Variants in FAAH2 observed in about 807,000 individuals in gnomAD.
FAAH2 encodes fatty-acid amide hydrolase 2.
FAAH2 carries 60 observed loss-of-function variants against 36.9 expected under a neutral mutation model. That is an observed-to-expected ratio of 1.63 (90% CI 1.32 to 2.02). The LOEUF is 2.02. FAAH2 is among the 30% of genes most tolerant of loss of function. The pLI, the probability that FAAH2 is intolerant of heterozygous loss-of-function variation, is 0.00. For missense variants in FAAH2, 689 were observed against 397.5 expected (o/e 1.73, Z -6.23); for synonymous variants, 214 against 143.8 (o/e 1.49, Z -3.49).
chrX:57,217,026 A>T, the FAAH2 span, among the ~76,000 whole-genome samples: 1 of 111,204 alleles, frequency 9.0e-6, no homozygotes, highest in Admixed American at 9.6e-5. Flanking sequence ...CCTGATCATT[A>T]GTGATGTTGA....
the FAAH2 span, among the ~76,000 whole-genome samples, chrX:57,234,696 G>T: frequency 6.3e-5 from 7 of 111,186 alleles, no homozygotes; most frequent in African/African-American, 2.3e-4. Context: ...TGCAGCCAGT[G>T]ATCTGACAGG....
At chrX:57,222,853 G>T in the FAAH2 span, among the ~76,000 whole-genome samples, 1 of 111,087 alleles carries the variant, frequency 9.0e-6, no homozygotes, top group South Asian at 3.8e-4. Flanking sequence ...CCTTTACTTA[G>T]TTTGTAGATG....
intron 3 of FAAH2, among the ~76,000 whole-genome samples, chrX:57,312,280 C>A (rs2052715539): frequency 8.9e-6 from 1 of 112,063 alleles, no homozygotes; most frequent in African/African-American, 3.2e-5. Flanking sequence ...TACTCTTATG[C>A]TTCATCTACT....
intron 7 of FAAH2, among the ~76,000 whole-genome samples, chrX:57,407,798 C>G (rs764774327): frequency 6.5e-4 from 73 of 111,979 alleles, no homozygotes; most frequent in Non-Finnish European, 1.2e-3. Flanking sequence ...ATGTTTAAAT[C>G]TTCGATCCAT....
chrX:57,192,150 T>C, the FAAH2 span, among the ~76,000 whole-genome samples: 1 of 111,712 alleles, frequency 9.0e-6, no homozygotes, highest in Admixed American at 9.5e-5. Context: ...TTTAAATAAA[T>C]GTTTTGTAGT....
intron 6 of FAAH2, among the ~76,000 whole-genome samples, chrX:57,379,152 C>T (rs147652327): frequency 3.6e-5 from 4 of 111,657 alleles, no homozygotes; most frequent in African/African-American, 6.5e-5. Context: ...TAGGCATCAA[C>T]GCTGCTTGGA....
chrX:57,269,283 T>G, the FAAH2 span, among the ~76,000 whole-genome samples: 1 of 111,412 alleles, frequency 9.0e-6, no homozygotes, highest in African/African-American at 3.3e-5. Flanking sequence ...GTGGGATATT[T>G]TAACACCCCA....
intron 8 of FAAH2, among the ~76,000 whole-genome samples, chrX:57,444,905 A>C (rs1295745308): frequency 2.7e-5 from 3 of 111,831 alleles, no homozygotes; most frequent in South Asian, 3.7e-4. Flanking sequence ...CTTTAAGTTC[A>C]TTAGGCTTCC....
rs144419744 is a variant in FAAH2, at chrX:57,448,589, G to A, written c.1294G>A (p.Glu432Lys). 8.3e-7 allele frequency: 1 copy of A among 1,209,739 alleles called. No individual in the cohort carries two copies. The highest frequency in any genetic ancestry group is 1.1e-6 in the Non-Finnish European group (1 of 895,169). The change falls in exon 10 of 11, where the codon GAA (glutamate) becomes AAA (lysine). Residue 432 changes from glutamate to lysine, a missense_variant. Coordinates refer to ENST00000374900, the MANE Select transcript of FAAH2 (RefSeq NM_174912.4). ...NEKYQKFKAV[E>K]ESLRKELVDM... ...GAAATACCAAAAGTTTAAGGCAGTG[G>A]AAGAAAGCCTGCGTAAAGAGCTGGT...
intron 3 of FAAH2, among the ~76,000 whole-genome samples, chrX:57,315,755 T>C (rs1392255013): frequency 9.0e-6 from 1 of 111,359 alleles, no homozygotes; most frequent in Admixed American, 9.6e-5. Context: ...CGAAGGAACA[T>C]ACCTCAAAAT....
chrX:57,325,042 A>T (rs2053168487), intron 3 of FAAH2, among the ~76,000 whole-genome samples: 1 of 112,184 alleles, frequency 8.9e-6, no homozygotes, highest in Admixed American at 9.5e-5. Context: ...GAGAGTTTTT[A>T]GCATGAAGGT....
intron 4 of FAAH2, among the ~76,000 whole-genome samples, chrX:57,333,365 C>T (rs1318084945): frequency 9.0e-6 from 1 of 111,469 alleles, no homozygotes. Context: ...TGGCTTTCAA[C>T]AAAACAATTA....
At chrX:57,232,564 C>A in the FAAH2 span, among the ~76,000 whole-genome samples, 1 of 112,185 alleles carries the variant, frequency 8.9e-6, no homozygotes, top group Admixed American at 9.4e-5. Context: ...AGTTCTAAAG[C>A]CATCACTGTT....
chrX:57,302,581 C>A (rs1335176478), intron 2 of FAAH2, among the ~76,000 whole-genome samples: 1 of 110,876 alleles, frequency 9.0e-6, no homozygotes, highest in Non-Finnish European at 1.9e-5. Context: ...TGATCCAAGA[C>A]TGGAGAGGTG....
chrX:57,323,447 C>A (rs1327152124), intron 3 of FAAH2, among the ~76,000 whole-genome samples: 3 of 111,731 alleles, frequency 2.7e-5, no homozygotes, highest in African/African-American at 6.5e-5. Context: ...TACAGTCCCA[C>A]CAACATTGTA....
In FAAH2 at chrX:57,404,885, G is replaced by A. The variant is rs747964897; in HGVS notation, c.996+23856G>A. 2.9e-4 allele frequency among the ~76,000 whole-genome samples: 33 copies of A among 112,101 alleles called. No homozygotes were observed. The South Asian group carries it at 0.011, about 39-fold the overall frequency. On this transcript the variant is annotated intron_variant, in intron 7 of 10. Transcript: ENST00000374900. ...TTCTGGCTGCACCATGATCTCAACCGGCTAATGCCGGGAGTTCAGGATGAC... is the reference window on the plus strand; with the variant it reads ...TTCTGGCTGCACCATGATCTCAACCAGCTAATGCCGGGAGTTCAGGATGAC...
At chrX:57,310,050 C>T (rs369592354) in intron 2 of FAAH2, among the ~76,000 whole-genome samples, 3 of 112,242 alleles carry the variant, frequency 2.7e-5, no homozygotes, top group South Asian at 7.3e-4. Context: ...TCACCAACAG[C>T]GTAAAAGCAT....
chrX:57,394,132 A>G (rs753735111), intron 7 of FAAH2: 54 of 695,565 alleles, frequency 7.8e-5, no homozygotes, highest in Non-Finnish European at 1.1e-4. Flanking sequence ...GGTGAAGATT[A>G]AACTCTTCCA....
the FAAH2 span, among the ~76,000 whole-genome samples, chrX:57,270,152 G>A: frequency 1.1e-4 from 12 of 111,155 alleles, no homozygotes; most frequent in East Asian, 2.0e-3. Context: ...ATACACCCTC[G>A]CAAGACTGAG....
Sources: allele counts gnomAD v4.1 joint callset (sites outside exome capture counted in the v4.1 genomes callset), GRCh38; gene constraint gnomAD v4.1.1; transcripts MANE v1.5; gene names NCBI Gene and HGNC (gene_info 2026-07-23, HGNC 2026-07-21).